Variants in HECW1 observed in about 807,000 individuals in gnomAD.
The protein encoded by HECW1 is E3 ubiquitin-protein ligase HECW1.
A neutral mutation model predicts 182.3 loss-of-function variants in HECW1; 61 were observed. The observed-to-expected ratio is 0.33, with a 90% confidence interval of 0.27 to 0.41. HECW1 has a LOEUF of 0.41. HECW1 is among the 10% of genes least tolerant of loss of function. HECW1 has a pLI of 1.00. For synonymous variants in HECW1, 859 were observed against 832.6 expected (o/e 1.03, Z -0.55); for missense variants, 1,739 against 2,108.9 (o/e 0.82, Z 3.44).
chr7:43,501,414 CTT>C, intron 21 of HECW1, 92 bp downstream of exon 21: 1 of 692,808 alleles, frequency 1.4e-6, no homozygotes, highest in East Asian at 2.7e-5. Context: ...TGTGTGTGTT[CTT>C]TCTCTCGGCC....
At chr7:43,255,115 T>C (rs1252759579) in intron 3 of HECW1, among the ~76,000 whole-genome samples, 1 of 152,196 alleles carries the variant, frequency 6.6e-6, no homozygotes, top group African/African-American at 2.4e-5. Flanking sequence ...TATTTAAGAA[T>C]TAGGGCATCA....
intron 17 of HECW1, among the ~76,000 whole-genome samples, chr7:43,488,470 AAGAAAGAAAGAAAGAAAG>A (rs1563046463): frequency 4.0e-5 from 6 of 149,062 alleles, no homozygotes; most frequent in African/African-American, 1.0e-4. Context: ...GAAAGAAAGA[AAGAAAGAAAGAAAGAAAG>A]AGAAAGAAAG....
At position 43,331,365 on chromosome 7, in the gene HECW1, C is replaced by T. The variant is rs1447703024; in HGVS notation, c.460+10623C>T. ...CAGCACTTTGGGAGGCTGAGGCGGG[C>T]GGATCACAAGGTCAGGAGATCGAGA... On this transcript the variant is annotated intron_variant, in intron 5 of 29. Coordinates refer to ENST00000395891, the MANE Select transcript of HECW1 (RefSeq NM_015052.5). Among the ~76,000 whole-genome samples the T allele has an allele frequency of 7.9e-5, 12 of 151,820 alleles. No homozygotes were observed. The East Asian group carries it at 2.1e-3, about 27-fold the overall frequency.
At chr7:43,423,622 T>A (rs2076264770) in intron 8 of HECW1, among the ~76,000 whole-genome samples, 2 of 152,170 alleles carry the variant, frequency 1.3e-5, no homozygotes, top group South Asian at 4.1e-4. Context: ...TATGGAGGAA[T>A]AGAGTGAGCT....
chr7:43,433,119 A>G (rs753881818), intron 8 of HECW1, among the ~76,000 whole-genome samples: 1 of 152,240 alleles, frequency 6.6e-6, no homozygotes, highest in Non-Finnish European at 1.5e-5. Context: ...TGTCACTGGC[A>G]TCTAATGGGT....
intron 2 of HECW1, among the ~76,000 whole-genome samples, chr7:43,230,860 G>GT (rs1217809645): frequency 1.1e-4 from 17 of 152,028 alleles, no homozygotes; most frequent in Admixed American, 1.1e-3. Context: ...CAACTTCTCT[G>GT]TAAGTCTGAA....
intron 2 of HECW1, among the ~76,000 whole-genome samples, chr7:43,183,647 A>G (rs1272413091): frequency 3.3e-5 from 5 of 152,196 alleles, no homozygotes; most frequent in African/African-American, 1.2e-4. Flanking sequence ...TTTTCATACA[A>G]TGTTTACCTT....
intron 28 of HECW1, among the ~76,000 whole-genome samples, chr7:43,554,156 G>A (rs1481230815): frequency 6.6e-6 from 1 of 152,190 alleles, no homozygotes; most frequent in Admixed American, 6.5e-5. Context: ...GCCTAGACTG[G>A]TAAGTCCTAG....
At chr7:43,217,646 T>G (rs146690856) in intron 2 of HECW1, among the ~76,000 whole-genome samples, 2 of 152,214 alleles carry the variant, frequency 1.3e-5, no homozygotes, top group African/African-American at 2.4e-5. Context: ...AATAAGATTA[T>G]ACAACAGACA....
chr7:43,565,616 A>G lies in HECW1; in HGVS notation c.*3690A>G, dbSNP rs1355581057. On this transcript the variant is annotated 3_prime_UTR_variant, in exon 30 of 30. Coordinates refer to ENST00000395891, the MANE Select transcript of HECW1 (RefSeq NM_015052.5). Reference sequence around the variant, plus strand: ...ATTATTATTACGTACTTCAGTGTTCATTATTAAAACTACCGCAATACTATA... The same window carrying G: ...ATTATTATTACGTACTTCAGTGTTCGTTATTAAAACTACCGCAATACTATA... The G allele has an allele frequency of 5.8e-6, 1 of 173,644 alleles. No homozygotes were observed. Among genetic ancestry groups the G allele is most frequent in the Non-Finnish European group, 1.2e-5 (1 of 80,900 alleles). The allele number at this position is 173,644 out of a possible 1,614,324, so 10.8% of individuals were successfully genotyped here. A position where few individuals can be genotyped will look rare whatever the true frequency, so the allele number is the denominator to read the frequency against.
At chr7:43,138,415 T>C (rs1787798501) in intron 2 of HECW1, among the ~76,000 whole-genome samples, 2 of 152,248 alleles carry the variant, frequency 1.3e-5, no homozygotes, top group South Asian at 4.1e-4. Context: ...GCTCCAGCAC[T>C]GCCAGTAAAT....
intron 6 of HECW1, among the ~76,000 whole-genome samples, chr7:43,382,325 A>G (rs966609425): frequency 6.6e-6 from 1 of 151,802 alleles, no homozygotes. Context: ...CCTTCAGAGG[A>G]CTGTGGAAAG....
chr7:43,272,267 A>G (rs1364477111), intron 3 of HECW1, among the ~76,000 whole-genome samples: 2 of 152,174 alleles, frequency 1.3e-5, no homozygotes, highest in African/African-American at 4.8e-5. Flanking sequence ...CATTCTGGAC[A>G]TCAGCCTTAG....
chr7:43,263,601 C>T lies in HECW1; in HGVS notation c.27+19669C>T, dbSNP rs112395659. 1.9e-4 allele frequency among the ~76,000 whole-genome samples: 29 copies of T among 152,166 alleles called. No individual in the cohort carries two copies. In the East Asian group the frequency reaches 4.4e-3, roughly 23 times the overall value. On this transcript the variant is annotated intron_variant, in intron 3 of 29. Transcript: ENST00000395891. ...GTCTTGAACTCCTGACCTTGTGATC[C>T]GCCCGCCTCAGCCTCCCAAAGTGCT...
chr7:43,249,084 G>A (rs1328809869), intron 3 of HECW1: 1 of 152,292 alleles, frequency 6.6e-6, no homozygotes, highest in Non-Finnish European at 1.5e-5. Context: ...GTCTTCTTCC[G>A]GGATTGCTCG....
At position 43,456,355 on chromosome 7, in the gene HECW1, C is replaced by T. The variant is rs764237538; in HGVS notation, c.2559C>T (p.Arg853=). 5 of 1,614,026 alleles carry T rather than the reference C, an allele frequency of 3.1e-6. No homozygotes were observed. The highest frequency in any genetic ancestry group is 4.2e-6 in the Non-Finnish European group (5 of 1,179,974). ...GRVFYVDHVN[R]TTTWQRPTAA... Reference sequence around the variant, plus strand: ...TCTTTTATGTGGACCACGTGAACCGCACAACCACCTGGCAGCGTCCGACGG... The same window carrying T: ...TCTTTTATGTGGACCACGTGAACCGTACAACCACCTGGCAGCGTCCGACGG... Residue 853 remains arginine (R), a synonymous_variant, in exon 13 of 30, where the codon CGC becomes CGT. Transcript: ENST00000395891.
chr7:43,247,786 AAAG>A (rs1406224002), intron 3 of HECW1, among the ~76,000 whole-genome samples: 16 of 126,990 alleles, frequency 1.3e-4, no homozygotes, highest in Non-Finnish European at 1.9e-4. Context: ...AGAGAGAAAA[AAAG>A]AAAAGAAGGA....
At position 43,227,647 on chromosome 7, in the gene HECW1, AT is replaced by A. The variant is rs374941747; in HGVS notation, c.-31-16222del. On this transcript the variant is annotated intron_variant, in intron 2 of 29. Coordinates refer to ENST00000395891, the MANE Select transcript of HECW1 (RefSeq NM_015052.5). ...ATCCTCTATTTTTCTGTTAATTGAC[AT>A]TTTTTCTTACTTGAAATTATTAACA... Among the ~76,000 whole-genome samples the A allele has an allele frequency of 2.1e-3, 314 of 152,276 alleles. 2 individuals are homozygous for A. Among genetic ancestry groups the A allele is most frequent in the South Asian group, 0.011 (54 of 4,826 alleles).
intron 2 of HECW1, among the ~76,000 whole-genome samples, chr7:43,178,432 C>A (rs1792476835): frequency 6.6e-6 from 1 of 152,164 alleles, no homozygotes; most frequent in Non-Finnish European, 1.5e-5. Context: ...AGATGTATTC[C>A]ATGTTACCCA....
Sources: gnomAD v4.1 joint callset for allele counts (sites outside exome capture counted in the v4.1 genomes callset) on GRCh38, gnomAD v4.1.1 for gene constraint, MANE v1.5 for transcripts, NCBI Gene and HGNC (gene_info 2026-07-23, HGNC 2026-07-21) for gene names.